Variants in ARHGAP9 observed in about 807,000 individuals in gnomAD.
ARHGAP9 encodes Rho GTPase activating protein 9.
Under a neutral mutation model 87.3 loss-of-function variants are expected in ARHGAP9, and 76 were observed. The ratio of observed to expected loss-of-function variants is 0.87; its 90% confidence interval spans 0.72 to 1.05. The LOEUF (loss-of-function observed/expected upper bound fraction) is 1.05, where lower values mean the gene tolerates loss of function less well. Ranked by LOEUF, ARHGAP9 falls within the 50% of genes least tolerant of loss-of-function variation. The pLI is 0.00. For synonymous variants in ARHGAP9, 382 were observed against 394.9 expected, an observed-to-expected ratio of 0.97 and a Z score of 0.39; for missense variants, 941 against 960.5, an observed-to-expected ratio of 0.98 and a Z score of 0.27.
At position 57,476,487 on chromosome 12, in the gene ARHGAP9, G is replaced by A. The variant is rs199739336; in HGVS notation, c.1026-33C>T. 163 of 1,613,254 alleles carry A rather than the reference G, an allele frequency of 1.0e-4. 1 individual carries two copies. The African/African-American group carries it at 1.9e-3, about 19-fold the overall frequency. On this transcript the variant is annotated intron_variant, in intron 7 of 17. Coordinates refer to ENST00000393791, the MANE Select transcript of ARHGAP9 (RefSeq NM_032496.4). ...GACAGAGAGGGGAGGTAGTGGTAGC[G>A]AACAGGTCATTCTAGAATGACACGA... is the stretch of plus-strand genomic sequence containing the variant.
chr12:57,479,401 T>C lies in ARHGAP9; in HGVS notation c.6A>G (p.Leu2=). ...AGGAACTTGGCCACCACCGGCTGGA[T>C]AGCATTGTAGCCAGCACTGTCACCT... is the stretch of plus-strand genomic sequence containing the variant. The part of the protein sequence containing the change: M[L]SSRWWPSSWG... Residue 2 remains leucine, a synonymous_variant, in exon 2 of 18, where the codon CTA becomes CTG. Transcript: ENST00000393791. The C allele has an allele frequency of 1.2e-6, 2 of 1,612,594 alleles. No individual in the cohort carries two copies. Among genetic ancestry groups the C allele is most frequent in the Non-Finnish European group, 1.7e-6 (2 of 1,179,490 alleles).
At chr12:57,488,260 C>T (rs1235803337) in intron 1 of ARHGAP9, 1 of 1,497,830 alleles carries the variant, frequency 6.7e-7, no homozygotes, top group Non-Finnish European at 9.2e-7. Context: ...ACGCCAGATT[C>T]TCTGCAGCTG....
In ARHGAP9 at chr12:57,475,357, T is replaced by A; in HGVS notation, c.1486A>T (p.Lys496Ter). The A allele has an allele frequency of 6.2e-7, 1 of 1,603,776 alleles. No individual in the cohort carries two copies. Among genetic ancestry groups the A allele is most frequent in the African/African-American group, 1.3e-5 (1 of 74,944 alleles). The change falls in exon 12 of 18, where the codon AAA becomes TAA. Residue 496 changes from lysine (K) to a stop codon, truncating the protein, a stop_gained. Coordinates refer to ENST00000393791, the MANE Select transcript of ARHGAP9 (RefSeq NM_032496.4). LOFTEE classifies it high-confidence loss of function. ...EGTEQNRVRN[K>*]LKRLIAKRPP... ...CTCTTCGCGATGAGCCGCTTTAGTTTGTTGCGCACGCGGTTCTGCTCGGTG... is the reference window on the plus strand; with the variant it reads ...CTCTTCGCGATGAGCCGCTTTAGTTAGTTGCGCACGCGGTTCTGCTCGGTG...
upstream of ARHGAP9, among the ~76,000 whole-genome samples, chr12:57,484,224 C>T (rs1289843063): frequency 2.6e-5 from 4 of 151,100 alleles, no homozygotes; most frequent in Non-Finnish European, 5.9e-5. Flanking sequence ...TGGTGGTGGG[C>T]GCCTGTAATC....
chr12:57,473,837 A>G, intron 16 of ARHGAP9, 129 bp from the exon 17 acceptor site: 3 of 1,201,492 alleles, frequency 2.5e-6, no homozygotes, highest in Non-Finnish European at 3.5e-6. Flanking sequence ...TCTTTTTCAC[A>G]TAGCCCAACT....
At position 57,475,458 on chromosome 12, in the gene ARHGAP9, T is replaced by A. The variant is rs527226; in HGVS notation, c.1444+25A>T. On this transcript the variant is annotated intron_variant, in intron 11 of 17. Coordinates refer to ENST00000393791, the MANE Select transcript of ARHGAP9 (RefSeq NM_032496.4). ...CGGGAGCCTCGCTGCGCTCCCGGAC[T>A]CTCCCTCCCCAGCCCGCGCCTCACT... 6 of 1,580,718 alleles carry A rather than the reference T, an allele frequency of 3.8e-6. No individual in the cohort carries two copies. In the African/African-American group the frequency reaches 5.4e-5, roughly 14 times the overall value.
Position 57,472,631 on chromosome 12 carries a change from A to T in ARHGAP9, c.2082T>A (p.Phe694Leu). Reference sequence around the variant, plus strand: ...GCTCTGGCCGAAACAGGGTTGGTCCAAACACAATTCCCAGGTTGTGGGGTG... The same window carrying T: ...GCTCTGGCCGAAACAGGGTTGGTCCTAACACAATTCCCAGGTTGTGGGGTG... ...RMTPHNLGIVFGPTLFRPEQE... is the reference protein window; with the variant it reads ...RMTPHNLGIVLGPTLFRPEQE... The change falls in exon 18 of 18, where the codon TTT becomes TTA. Residue 694 changes from phenylalanine (F) to leucine (L), a missense_variant. Physicochemically the swap from Phe to Leu is conservative, Grantham distance 22. Coordinates refer to ENST00000393791, the MANE Select transcript of ARHGAP9 (RefSeq NM_032496.4). The T allele has an allele frequency of 6.2e-7, 1 of 1,614,240 alleles. No individual in the cohort carries two copies.
At chr12:57,480,889 T>C (rs1874940826), upstream of ARHGAP9, 1 of 1,499,268 alleles carries the variant, frequency 6.7e-7, no homozygotes, top group African/African-American at 1.4e-5. Context: ...CCACTGGTGA[T>C]ATCAGAGAGC....
chr12:57,473,192 C>G (rs1418099327), intron 17 of ARHGAP9, among the ~76,000 whole-genome samples: 1 of 152,102 alleles, frequency 6.6e-6, no homozygotes, highest in Admixed American at 6.6e-5. Context: ...GTGGGTAAAT[C>G]ACCTGAGGTC....
At chr12:57,481,415 AT>A (rs927022942), upstream of ARHGAP9, among the ~76,000 whole-genome samples, 3 of 150,524 alleles carry the variant, frequency 2.0e-5, no homozygotes, top group Admixed American at 1.3e-4. Flanking sequence ...TATGCCCGCT[AT>A]TTTTTTTTGT....
At chr12:57,487,974 CGG>C in intron 1 of ARHGAP9, 2 of 767,326 alleles carry the variant, frequency 2.6e-6, no homozygotes, top group Non-Finnish European at 4.6e-6. Flanking sequence ...TTTCCGGTAG[CGG>C]TGCCAGGGCA....
rs772404087 is a variant in ARHGAP9 at position 57,479,295 on chromosome 12, C to A, written c.112G>T (p.Ala38Ser). Residue 38 changes from alanine to serine, a missense_variant, in exon 2 of 18, where the codon GCA (alanine) becomes TCA (serine). Physicochemically the swap from Ala to Ser is moderately conservative, Grantham distance 99. Transcript: ENST00000393791. ...GCCAGAGACACCTGCTGGCCATCTG[C>A]CCCAGTATAAGTAAAGGCATAGAGG... ...CALYAFTYTG[A>S]DGQQVSLAEG... 4 of 1,614,206 alleles carry A rather than the reference C, an allele frequency of 2.5e-6. No homozygotes were observed. The highest frequency in any genetic ancestry group is 3.4e-6 in the Non-Finnish European group (4 of 1,180,034).
At chr12:57,485,536 A>G (rs1380344634) in intron 1 of ARHGAP9, among the ~76,000 whole-genome samples, 1 of 147,136 alleles carries the variant, frequency 6.8e-6, no homozygotes. Flanking sequence ...AGCCTGGGCA[A>G]TAAGAGTAAG....
intron 1 of ARHGAP9, chr12:57,488,603 T>A (rs1875656783): frequency 1.3e-6 from 2 of 1,551,102 alleles, no homozygotes; most frequent in Non-Finnish European, 1.7e-6. Context: ...CACGTTCCTT[T>A]CTGTTTACCT....
intron 1 of ARHGAP9, chr12:57,488,530 G>T: frequency 4.6e-6 from 7 of 1,524,934 alleles, no homozygotes; most frequent in Non-Finnish European, 5.3e-6. Context: ...TTACTAGCAT[G>T]ACAGCCCCCA....
chr12:57,477,236 T>C lies in ARHGAP9; in HGVS notation c.790A>G (p.Lys264Glu). ...GGTTGCAGGACATCATTGTTCCTCT[T>C]CAGGGTCTGTGTCCCCTCCATGGAG... is the stretch of plus-strand genomic sequence containing the variant. ...PGSMEGTQTLKRNNDVLQPQA... is the reference protein window; with the variant it reads ...PGSMEGTQTLERNNDVLQPQA... Residue 264 changes from lysine to glutamate, a missense_variant, in exon 5 of 18, where the codon AAG (lysine) becomes GAG (glutamate). Lys to Glu is a moderately conservative substitution (Grantham distance 56, BLOSUM62 1). Coordinates refer to ENST00000393791, the MANE Select transcript of ARHGAP9 (RefSeq NM_032496.4). 5 of 1,593,000 alleles carry C rather than the reference T, an allele frequency of 3.1e-6. No homozygotes were observed. The highest frequency in any genetic ancestry group is 1.3e-5 in the African/African-American group (1 of 74,470).
chr12:57,476,876 G>A lies in ARHGAP9; in HGVS notation c.958C>T (p.Pro320Ser). 1 of 1,613,878 alleles carries A rather than the reference G, an allele frequency of 6.2e-7. No individual in the cohort carries two copies. Among genetic ancestry groups the A allele is most frequent in the African/African-American group, 1.3e-5 (1 of 75,000 alleles). Residue 320 changes from proline (P) to serine (S), a missense_variant, in exon 6 of 18, where the codon CCC becomes TCC. Coordinates refer to ENST00000393791, the MANE Select transcript of ARHGAP9 (RefSeq NM_032496.4). ...CAAAGAAATGGGAGATTCACATGGG[G>A]GTCGTCCAGGAGCTGCGGCAGAGGT... Reference protein sequence around the residue: ...PRPLPQLLDDPHEVEKSGLLN... With the variant: ...PRPLPQLLDDSHEVEKSGLLN...
chr12:57,475,217 G>T, intron 12 of ARHGAP9, 74 bp downstream of exon 12: 1 of 1,424,358 alleles, frequency 7.0e-7, no homozygotes, highest in Non-Finnish European at 9.5e-7. Context: ...GAAGGTTGTG[G>T]TCTAGTTCTG....
At chr12:57,479,548 GA>G in intron 1 of ARHGAP9, 124 bp from the exon 2 acceptor site, 1 of 1,495,598 alleles carries the variant, frequency 6.7e-7, no homozygotes, top group Non-Finnish European at 8.9e-7. Context: ...AGTTGGGGGA[GA>G]GGGTAGAGCA....
Sources: gnomAD v4.1 joint callset for allele counts (sites outside exome capture counted in the v4.1 genomes callset) on GRCh38, gnomAD v4.1.1 for gene constraint, MANE v1.5 for transcripts, NCBI Gene and HGNC (gene_info 2026-07-23, HGNC 2026-07-21) for gene names.